Variants in MTMR14 observed in about 807,000 individuals in gnomAD.
The protein encoded by MTMR14 is myotubularin related protein 14, also known as phosphatidylinositol-3,5-bisphosphate 3-phosphatase MTMR14.
In MTMR14, 48 loss-of-function variants were observed where a neutral mutation model predicts 86.3. The ratio of observed to expected loss-of-function variants is 0.56; its 90% CI spans 0.44 to 0.71. The LOEUF is 0.71. Ranked by LOEUF, MTMR14 falls within the 30% of genes least tolerant of loss-of-function variation. MTMR14 has a pLI of 0.00. For synonymous variants in MTMR14, 366 were observed against 326.1 expected, an observed-to-expected ratio of 1.12 and a Z score of -1.32; for missense variants, 780 against 834.6, an observed-to-expected ratio of 0.93 and a Z score of 0.81.
At chr3:9,682,933 G>GCCC (rs879461070) in intron 9 of MTMR14, among the ~76,000 whole-genome samples, 68 of 142,106 alleles carry the variant, frequency 4.8e-4, no homozygotes, top group African/African-American at 1.6e-3. Flanking sequence ...TTGGGTCAGA[G>GCCC]CCCCCCCCCC....
Position 9,669,505 on chromosome 3 carries a change from T to G in MTMR14, c.554+13T>G, listed in dbSNP as rs374559968. The stretch of plus-strand genomic sequence containing the variant: ...ACTGTGCTCTTCGGTCAGTGCTGGG[T>G]TGCTGTGGTCAGGGGCTTGTGTTGG... On this transcript the variant is annotated intron_variant, in intron 5 of 18. Coordinates refer to ENST00000296003, the MANE Select transcript of MTMR14 (RefSeq NM_001077525.3). 75 of 1,611,424 alleles carry G rather than the reference T, an allele frequency of 4.7e-5. No homozygotes were observed. The highest frequency in any genetic ancestry group is 6.2e-5 in the Non-Finnish European group (73 of 1,178,568).
intron 1 of MTMR14, 125 bp from the exon 2 acceptor site, chr3:9,653,496 C>A: frequency 8.1e-7 from 1 of 1,237,034 alleles, no homozygotes; most frequent in Non-Finnish European, 1.2e-6. Context: ...CACATCTTCC[C>A]AGCACAGAAT....
intron 3 of MTMR14, among the ~76,000 whole-genome samples, chr3:9,666,292 C>A (rs1011937989): frequency 1.3e-5 from 2 of 152,076 alleles, no homozygotes; most frequent in Admixed American, 1.3e-4. Flanking sequence ...TGCCTCCACA[C>A]CTGGCTAATT....
intron 2 of MTMR14, among the ~76,000 whole-genome samples, chr3:9,660,738 A>G (rs768645177): frequency 6.6e-6 from 1 of 152,178 alleles, no homozygotes; most frequent in African/African-American, 2.4e-5. Flanking sequence ...AGATTCCTAG[A>G]AGGATTAGGA....
intron 17 of MTMR14, among the ~76,000 whole-genome samples, chr3:9,694,740 C>G (rs1468913194): frequency 2.0e-5 from 3 of 152,306 alleles, no homozygotes; most frequent in African/African-American, 7.2e-5. Flanking sequence ...GTTGAGCCAG[C>G]TCGGTTTGTG....
At chr3:9,697,442 G>A (rs999732364) in intron 17 of MTMR14, among the ~76,000 whole-genome samples, 11 of 152,148 alleles carry the variant, frequency 7.2e-5, no homozygotes, top group African/African-American at 1.9e-4. Flanking sequence ...CTGTGGCTCC[G>A]ATTCACTCTT....
At chr3:9,659,484 C>G in intron 2 of MTMR14, 1 of 229,994 alleles carries the variant, frequency 4.3e-6, no homozygotes, top group Non-Finnish European at 8.9e-6. Flanking sequence ...CATTCTGTTG[C>G]CCAGGCTGGA....
chr3:9,699,842 C>T (rs888830621), intron 18 of MTMR14: 1 of 152,210 alleles, frequency 6.6e-6, no homozygotes, highest in Non-Finnish European at 1.5e-5. Flanking sequence ...GTTTCTCCCT[C>T]GTATGCTATA....
chr3:9,702,341 G>A lies in MTMR14; in HGVS notation c.*368G>A. 2.7e-6 allele frequency: 1 copy of A among 364,510 alleles called. No homozygotes were observed. Among genetic ancestry groups the A allele is most frequent in the Admixed American group, 3.7e-5 (1 of 26,724 alleles). The allele number at this position is 364,510 out of a possible 1,614,324, so 22.6% of individuals were successfully genotyped here. The stretch of plus-strand genomic sequence containing the variant: ...AGGAGGGATCACCTGCACTGAGAAT[G>A]AGGCAGTTTGACACAGATCACAAAA... On this transcript the variant is annotated 3_prime_UTR_variant, in exon 19 of 19. Transcript: ENST00000296003.
chr3:9,670,968 CT>C, intron 5 of MTMR14, 79 bp from the exon 6 acceptor site: 1 of 1,579,800 alleles, frequency 6.3e-7, no homozygotes, highest in Non-Finnish European at 8.7e-7. Flanking sequence ...GACATCCATA[CT>C]TCCCTGAATG....
chr3:9,683,226 T>C lies in MTMR14; in HGVS notation c.946T>C (p.Ser316Pro). 1.2e-6 allele frequency: 2 copies of C among 1,614,204 alleles called. No homozygotes were observed. The highest frequency in any genetic ancestry group is 1.1e-5 in the South Asian group (1 of 91,086). The change falls in exon 10 of 19, where the codon TCC becomes CCC. Residue 316 changes from serine to proline, a missense_variant. Ser to Pro is a moderately conservative substitution (Grantham distance 74, BLOSUM62 -1). Coordinates refer to ENST00000296003, the MANE Select transcript of MTMR14 (RefSeq NM_001077525.3). ...QTQNYLKLLL[S>P]LVNSDDDSGL... The stretch of plus-strand genomic sequence containing the variant: ...ACAAAACTACCTGAAGCTGCTGCTT[T>C]CCTTAGTTAACAGTGATGGTGAGTC...
intron 2 of MTMR14, chr3:9,659,734 G>A: frequency 4.4e-6 from 2 of 456,278 alleles, no homozygotes; most frequent in Non-Finnish European, 8.8e-6. Flanking sequence ...GAGCCACTGT[G>A]CCTGGCCAGA....
intron 12 of MTMR14, 109 bp from the exon 13 acceptor site, chr3:9,685,102 C>T: frequency 6.5e-7 from 1 of 1,531,262 alleles, no homozygotes; most frequent in Non-Finnish European, 9.1e-7. Context: ...TGATCAGGCC[C>T]CACCTGCCAC....
intron 1 of MTMR14, among the ~76,000 whole-genome samples, chr3:9,652,126 A>G (rs13315714): frequency 0.2 from 29,759 of 152,052 alleles, 5,019 homozygotes; most frequent in African/African-American, 0.46. Context: ...CACTGCACCC[A>G]GCCTAATTTT....
At chr3:9,672,175 G>A (rs1029030063) in intron 6 of MTMR14, among the ~76,000 whole-genome samples, 12 of 152,182 alleles carry the variant, frequency 7.9e-5, no homozygotes, top group South Asian at 2.1e-4. Flanking sequence ...TCTGATTGAG[G>A]CTTGCTGTAG....
chr3:9,692,363 T>TA (rs1466497429), intron 17 of MTMR14, among the ~76,000 whole-genome samples: 4 of 152,248 alleles, frequency 2.6e-5, no homozygotes, highest in African/African-American at 9.6e-5. Flanking sequence ...TGCCAATTCT[T>TA]ACTAACCCCG....
At chr3:9,649,883 G>T (rs1213527128) in intron 1 of MTMR14, 141 bp downstream of exon 1, 1 of 1,525,396 alleles carries the variant, frequency 6.6e-7, no homozygotes, top group Non-Finnish European at 8.8e-7. Context: ...AGTTCTCCAG[G>T]GTCTGTATCC....
At chr3:9,687,683 T>C (rs2076005328) in intron 13 of MTMR14, 138 bp from the exon 14 acceptor site, 1 of 727,394 alleles carries the variant, frequency 1.4e-6, no homozygotes, top group African/African-American at 1.7e-5. Context: ...ACACCATTTA[T>C]GGACCAGAAC....
chr3:9,656,674 C>T (rs1235800416), intron 2 of MTMR14, among the ~76,000 whole-genome samples: 1 of 152,206 alleles, frequency 6.6e-6, no homozygotes, highest in Non-Finnish European at 1.5e-5. Flanking sequence ...CTGCCATGGC[C>T]TCCCAAAGTG....
Sources: allele counts gnomAD v4.1 joint callset (sites outside exome capture counted in the v4.1 genomes callset), GRCh38; gene constraint gnomAD v4.1.1; transcripts MANE v1.5; gene names NCBI Gene and HGNC (gene_info 2026-07-23, HGNC 2026-07-21).